Variants in STEAP2 observed in about 807,000 individuals in gnomAD.
The protein encoded by STEAP2 is STEAP2 metalloreductase.
STEAP2 carries 30 observed loss-of-function variants against 46.4 expected under a neutral mutation model. The ratio of observed to expected loss-of-function variants is 0.65; its 90% CI spans 0.48 to 0.88. The LOEUF (loss-of-function observed/expected upper bound fraction) is 0.88, where lower values mean the gene tolerates loss of function less well. STEAP2 is among the 40% of genes least tolerant of loss of function. The probability of loss-of-function intolerance (pLI) is 0.00; values close to 1 mark genes in which losing one functional copy is unlikely to be tolerated. For synonymous variants in STEAP2, 180 were observed against 200.5 expected (o/e 0.90, Z 0.86); for missense variants, 513 against 579.3 (o/e 0.89, Z 1.18).
chr7:90,232,327 C>T lies in STEAP2; in HGVS notation c.1186-10C>T. Reference sequence around the variant, plus strand: ...TTCTTTGTTTCTTTTCCTTCCTCTCCTGGCCCAAGTCTACACTTGGATATG... The same window carrying T: ...TTCTTTGTTTCTTTTCCTTCCTCTCTTGGCCCAAGTCTACACTTGGATATG... On this transcript the variant is annotated splice_polypyrimidine_tract_variant and intron_variant, in intron 5 of 5. Transcript: ENST00000394621. The T allele has an allele frequency of 6.4e-7, 1 of 1,568,804 alleles. No homozygotes were observed. The highest frequency in any genetic ancestry group is 1.2e-5 in the South Asian group (1 of 83,510).
At position 90,234,869 on chromosome 7, in the gene STEAP2, T is replaced by C; in HGVS notation, c.*2245T>C. 2.0e-6 allele frequency: 2 copies of C among 985,242 alleles called. No homozygotes were observed. Among genetic ancestry groups the C allele is most frequent in the Non-Finnish European group, 2.4e-6 (2 of 829,810 alleles). 61.0% of individuals were successfully genotyped at this position (985,242 alleles called of 1,614,324 possible). A position where few individuals can be genotyped will look rare whatever the true frequency, so the allele number is the denominator to read the frequency against. ...GCCCGGCCTATTATCTTGTACTTTC[T>C]AACTGAGCCCTCTATTTTCTTTATT... is the stretch of plus-strand genomic sequence containing the variant. On this transcript the variant is annotated 3_prime_UTR_variant, in exon 6 of 6. Coordinates refer to ENST00000394621, the MANE Select transcript of STEAP2 (RefSeq NM_001244944.2).
At chr7:90,212,451 T>G (rs1467845970) in intron 1 of STEAP2, 1 of 152,270 alleles carries the variant, frequency 6.6e-6, no homozygotes, top group African/African-American at 2.4e-5. Context: ...AGTGCTGCTT[T>G]GCGAACAGGT....
chr7:90,238,910 C>G (rs1452338841), downstream of STEAP2, among the ~76,000 whole-genome samples: 1 of 152,180 alleles, frequency 6.6e-6, no homozygotes, highest in African/African-American at 2.4e-5. Context: ...TCACATTGAT[C>G]AAATGTACAG....
intron 4 of STEAP2, among the ~76,000 whole-genome samples, chr7:90,228,000 G>A (rs1795571228): frequency 6.6e-6 from 1 of 152,118 alleles, no homozygotes; most frequent in Non-Finnish European, 1.5e-5. Context: ...AATACAATGA[G>A]AAGGGAGACC....
chr7:90,213,546 A>C (rs1794899437), intron 1 of STEAP2, among the ~76,000 whole-genome samples: 1 of 152,186 alleles, frequency 6.6e-6, no homozygotes, highest in Non-Finnish European at 1.5e-5. Context: ...CTACCCCTTA[A>C]GGGCCCACAT....
At position 90,233,984 on chromosome 7, in the gene STEAP2, T is replaced by C; in HGVS notation, c.*1360T>C. ...GCCTGGAGACCCATGGCAGTCCATA[T>C]GCCTCCCTATGCAGTGAAGGGCCCT... On this transcript the variant is annotated 3_prime_UTR_variant, in exon 6 of 6. Transcript: ENST00000394621. 2 of 985,396 alleles carry C rather than the reference T, an allele frequency of 2.0e-6. No individual in the cohort carries two copies. Among genetic ancestry groups the C allele is most frequent in the South Asian group, 4.7e-5 (1 of 21,286 alleles). The allele number at this position is 985,396 out of a possible 1,614,324, so 61.0% of individuals were successfully genotyped here.
chr7:90,218,950 C>G (rs957557345), intron 2 of STEAP2, among the ~76,000 whole-genome samples: 2 of 152,076 alleles, frequency 1.3e-5, no homozygotes, highest in Non-Finnish European at 2.9e-5. Flanking sequence ...TTTTTTTCTA[C>G]AGTGCTTTGT....
downstream of STEAP2, among the ~76,000 whole-genome samples, chr7:90,238,628 T>G (rs1584258433): frequency 6.6e-6 from 1 of 152,200 alleles, no homozygotes; most frequent in Non-Finnish European, 1.5e-5. Context: ...TGTTCCCTTC[T>G]CCTACTGCCT....
At chr7:90,222,856 T>C (rs1562805144) in intron 2 of STEAP2, among the ~76,000 whole-genome samples, 1 of 152,184 alleles carries the variant, frequency 6.6e-6, no homozygotes, top group Non-Finnish European at 1.5e-5. Context: ...AACTTTTTTT[T>C]GAAACATTCC....
In STEAP2 at chr7:90,236,425, C is replaced by T; in HGVS notation, c.*3801C>T. On this transcript the variant is annotated 3_prime_UTR_variant, in exon 6 of 6. Coordinates refer to ENST00000394621, the MANE Select transcript of STEAP2 (RefSeq NM_001244944.2). ...AAGATACATACATAGTATAACACAC[C>T]TCACAGTGTTAAGATTTATATTGTG... The T allele has an allele frequency of 1.0e-6, 1 of 989,174 alleles. No individual in the cohort carries two copies. The highest frequency in any genetic ancestry group is 1.2e-6 in the Non-Finnish European group (1 of 832,428). 61.3% of individuals were successfully genotyped at this position (989,174 alleles called of 1,614,324 possible). A position where few individuals can be genotyped will look rare whatever the true frequency, so the allele number is the denominator to read the frequency against.
chr7:90,236,405 A>G lies in STEAP2; in HGVS notation c.*3781A>G, dbSNP rs1419173871. 5 of 985,194 alleles carry G rather than the reference A, an allele frequency of 5.1e-6. No individual in the cohort carries two copies. The East Asian group carries it at 5.7e-4, about 112-fold the overall frequency. The allele number at this position is 985,194 out of a possible 1,614,324, so 61.0% of individuals were successfully genotyped here. On this transcript the variant is annotated 3_prime_UTR_variant, in exon 6 of 6. Transcript: ENST00000394621. The stretch of plus-strand genomic sequence containing the variant: ...GTAAATCCATGACTTAAAACAAGAT[A>G]CATACATAGTATAACACACCTCACA...
At chr7:90,241,088 G>A (rs180889772), downstream of STEAP2, among the ~76,000 whole-genome samples, 71 of 152,172 alleles carry the variant, frequency 4.7e-4, no homozygotes, top group African/African-American at 1.7e-3. Context: ...GAAAATCCAC[G>A]AATGGAATAA....
chr7:90,226,455 T>C (rs1795493127), intron 3 of STEAP2, among the ~76,000 whole-genome samples: 1 of 152,196 alleles, frequency 6.6e-6, no homozygotes, highest in Non-Finnish European at 1.5e-5. Flanking sequence ...TTTTTTCTTA[T>C]TTGTGTTATA....
Position 90,233,634 on chromosome 7 carries a change from C to T in STEAP2, c.*1010C>T, listed in dbSNP as rs1795845156. 4 of 869,528 alleles carry T rather than the reference C, an allele frequency of 4.6e-6. No homozygotes were observed. Among genetic ancestry groups the T allele is most frequent in the South Asian group, 5.3e-5 (1 of 18,968 alleles). 53.9% of individuals were successfully genotyped at this position (869,528 alleles called of 1,614,324 possible). A position where few individuals can be genotyped will look rare whatever the true frequency, so the allele number is the denominator to read the frequency against. ...CCGTGAGATAAGTAGTTATTATCCT[C>T]ATTTTACACATGAGGGACCGAAGGA... On this transcript the variant is annotated 3_prime_UTR_variant, in exon 6 of 6. Coordinates refer to ENST00000394621, the MANE Select transcript of STEAP2 (RefSeq NM_001244944.2).
In STEAP2 at chr7:90,237,212, T is replaced by C. The variant is rs1562819385; in HGVS notation, c.*4588T>C. On this transcript the variant is annotated 3_prime_UTR_variant, in exon 6 of 6. Coordinates refer to ENST00000394621, the MANE Select transcript of STEAP2 (RefSeq NM_001244944.2). ...ACCTTGACTACTTCCCTACTTCCAC[T>C]GCTTTTTCCTGCATTTAAGCCATTG... 5.0e-6 allele frequency: 2 copies of C among 400,894 alleles called. No individual in the cohort carries two copies. 24.8% of individuals were successfully genotyped at this position (400,894 alleles called of 1,614,324 possible).
At chr7:90,216,141 T>C (rs188727189) in intron 1 of STEAP2, 47 of 152,300 alleles carry the variant, frequency 3.1e-4, no homozygotes, top group African/African-American at 1.1e-3. Context: ...AAAGAAAAGG[T>C]ATAGACACTG....
chr7:90,239,317 G>A (rs147730633), downstream of STEAP2, among the ~76,000 whole-genome samples: 1,213 of 152,272 alleles, frequency 8.0e-3, 25 homozygotes, highest in South Asian at 0.028. Flanking sequence ...GAGATGCCTC[G>A]AGATGAAACC....
rs761139601 is a variant in STEAP2 at position 90,237,014 on chromosome 7, ATG to A, written c.*4393_*4394del. On this transcript the variant is annotated 3_prime_UTR_variant, in exon 6 of 6. Coordinates refer to ENST00000394621, the MANE Select transcript of STEAP2 (RefSeq NM_001244944.2). The stretch of plus-strand genomic sequence containing the variant: ...CAGCTGTCCTTGCAGTTAGGTGTAC[ATG>A]TGACTGAGTGTTGGCCAGTGAGATG... 172 of 1,572,584 alleles carry A rather than the reference ATG, an allele frequency of 1.1e-4. No homozygotes were observed. The highest frequency in any genetic ancestry group is 1.5e-4 in the Non-Finnish European group (166 of 1,144,686).
Position 90,225,146 on chromosome 7 carries a change from A to G in STEAP2, c.64A>G (p.Ile22Val), listed in dbSNP as rs907757586. The G allele has an allele frequency of 3.7e-6, 6 of 1,613,968 alleles. No individual in the cohort carries two copies. Among genetic ancestry groups the G allele is most frequent in the Admixed American group, 1.7e-5 (1 of 59,972 alleles). The change falls in exon 3 of 6, where the codon ATA becomes GTA. Residue 22 changes from isoleucine to valine, a missense_variant. By Grantham distance (29) the Ile-to-Val change is conservative. Coordinates refer to ENST00000394621, the MANE Select transcript of STEAP2 (RefSeq NM_001244944.2). ...SLSETFLPNGINGIKDARKVT... is the reference protein window; with the variant it reads ...SLSETFLPNGVNGIKDARKVT... ...TAGTGAAACTTTTTTACCTAATGGC[A>G]TAAATGGTATCAAAGATGCAAGGAA...
Sources: allele counts gnomAD v4.1 joint callset (sites outside exome capture counted in the v4.1 genomes callset), GRCh38; gene constraint gnomAD v4.1.1; transcripts MANE v1.5; gene names NCBI Gene and HGNC (gene_info 2026-07-23, HGNC 2026-07-21).